The following RNF111 variants were observed in gnomAD, a reference collection of about 807,000 sequenced individuals.
The protein encoded by RNF111 is ring finger protein 111, also known as E3 ubiquitin-protein ligase Arkadia.
In RNF111, 17 loss-of-function variants were observed where a neutral mutation model predicts 95.1. The ratio of observed to expected loss-of-function variants is 0.18; its 90% CI spans 0.12 to 0.27. RNF111 has a LOEUF of 0.27. Among genes scored for constraint, RNF111 ranks in the 10% least tolerant of loss-of-function variants. RNF111 has a pLI of 1.00. For synonymous variants in RNF111, 440 were observed against 414.8 expected (o/e 1.06, Z -0.74); for missense variants, 1,189 against 1,210.4 (o/e 0.98, Z 0.26).
chr15:59,071,942 A>G (rs1663472973), intron 6 of RNF111, among the ~76,000 whole-genome samples: 1 of 152,234 alleles, frequency 6.6e-6, no homozygotes, highest in African/African-American at 2.4e-5. Context: ...TAATATTTAC[A>G]CTGTACTAAG....
intron 5 of RNF111, among the ~76,000 whole-genome samples, chr15:59,062,525 C>T (rs1251863328): frequency 6.6e-6 from 1 of 152,202 alleles, no homozygotes; most frequent in Non-Finnish European, 1.5e-5. Flanking sequence ...TGATGGCACA[C>T]TATATGTCAG....
In RNF111 at chr15:59,066,394, T is replaced by C. The variant is rs181281026; in HGVS notation, c.1367-370T>C. ...GGGAGGCTGAGGCGGGCAGATCACC[T>C]GAGGTTGGGAGTTCAAGACCAGCCT... On this transcript the variant is annotated intron_variant, in intron 5 of 13. Transcript: ENST00000348370. Among the ~76,000 whole-genome samples, 587 of 152,274 alleles carry C rather than the reference T, an allele frequency of 3.9e-3. 3 individuals are homozygous for C. Among genetic ancestry groups the C allele is most frequent in the African/African-American group, 0.013 (559 of 41,560 alleles).
At chr15:59,043,650 G>A (rs1439436913) in intron 2 of RNF111, among the ~76,000 whole-genome samples, 1 of 152,114 alleles carries the variant, frequency 6.6e-6, no homozygotes. Flanking sequence ...GAACATTTGG[G>A]TACAAATCTT....
In RNF111 at chr15:59,027,767, A is replaced by T. The variant is rs1014009858; in HGVS notation, c.-19-3037A>T. ...AGGCTGGTCTCAAACTCCTAACCTC[A>T]GGTGATCCACCCGCTTCAGCCTCCC... On this transcript the variant is annotated intron_variant, in intron 1 of 13. Coordinates refer to ENST00000348370, the MANE Select transcript of RNF111 (RefSeq NM_017610.8). Among the ~76,000 whole-genome samples the T allele has an allele frequency of 1.4e-4, 21 of 151,098 alleles. No individual in the cohort carries two copies. The East Asian group carries it at 3.3e-3, about 24-fold the overall frequency.
At chr15:59,016,518 A>G (rs1372676461) in intron 1 of RNF111, among the ~76,000 whole-genome samples, 1 of 152,168 alleles carries the variant, frequency 6.6e-6, no homozygotes, top group Admixed American at 6.5e-5. Context: ...CCACAGATCC[A>G]GCATATAAAG....
At chr15:59,026,757 A>G (rs2040630408) in intron 1 of RNF111, among the ~76,000 whole-genome samples, 1 of 152,150 alleles carries the variant, frequency 6.6e-6, no homozygotes, top group African/African-American at 2.4e-5. Flanking sequence ...CAATACAGCG[A>G]TGGATTTTAG....
At chr15:59,038,318 G>A (rs1022443189) in intron 2 of RNF111, among the ~76,000 whole-genome samples, 10 of 151,508 alleles carry the variant, frequency 6.6e-5, no homozygotes, top group African/African-American at 1.9e-4. Context: ...TCTAATAGCT[G>A]TATATATATA....
chr15:59,050,637 AG>A (rs2041936733), intron 2 of RNF111, among the ~76,000 whole-genome samples: 1 of 152,222 alleles, frequency 6.6e-6, no homozygotes, highest in Non-Finnish European at 1.5e-5. Context: ...AGCTGAAGGA[AG>A]GTAGTGTATA....
chr15:59,013,524 G>T (rs1372794242), intron 1 of RNF111, among the ~76,000 whole-genome samples: 11 of 152,190 alleles, frequency 7.2e-5, no homozygotes, highest in Non-Finnish European at 1.5e-4. Context: ...CAGAAGTAAA[G>T]TGCCCTGCCT....
chr15:58,990,597 C>A (rs560504350), intron 1 of RNF111, among the ~76,000 whole-genome samples: 1 of 152,156 alleles, frequency 6.6e-6, no homozygotes, highest in Admixed American at 6.5e-5. Flanking sequence ...TTGCAGTAAG[C>A]GGAGATCGTG....
At chr15:59,011,423 G>A (rs2039805704) in intron 1 of RNF111, among the ~76,000 whole-genome samples, 1 of 152,158 alleles carries the variant, frequency 6.6e-6, no homozygotes, top group South Asian at 2.1e-4. Context: ...GCACATTTAA[G>A]GTACTCAGAA....
intron 1 of RNF111, among the ~76,000 whole-genome samples, chr15:59,018,046 A>G (rs1440811411): frequency 6.6e-6 from 1 of 152,180 alleles, no homozygotes; most frequent in Admixed American, 6.6e-5. Flanking sequence ...GGTATGAGGC[A>G]CCACGCCCGG....
intron 1 of RNF111, among the ~76,000 whole-genome samples, chr15:59,021,224 C>T (rs1407963200): frequency 1.3e-5 from 2 of 152,160 alleles, no homozygotes; most frequent in African/African-American, 4.8e-5. Flanking sequence ...GATCTCGGCT[C>T]ACTGCAAACT....
At chr15:59,091,243 T>A in intron 12 of RNF111, 89 bp downstream of exon 12, 1 of 700,242 alleles carries the variant, frequency 1.4e-6, no homozygotes, top group Admixed American at 2.7e-5. Context: ...ACTCTAGCAA[T>A]GACATTTTTA....
At chr15:59,084,701 A>C (rs117565956) in intron 9 of RNF111, among the ~76,000 whole-genome samples, 8 of 152,258 alleles carry the variant, frequency 5.3e-5, no homozygotes, top group Non-Finnish European at 1.2e-4. Context: ...GTGCAGTAGA[A>C]TATCAGAACT....
chr15:59,071,007 C>T (rs1013670377), intron 6 of RNF111, among the ~76,000 whole-genome samples: 17 of 151,992 alleles, frequency 1.1e-4, no homozygotes, highest in African/African-American at 2.9e-4. Context: ...TTCAAGAATA[C>T]GAAGAAGTGG....
chr15:59,033,371 A>G (rs1178183719), intron 2 of RNF111, among the ~76,000 whole-genome samples: 3 of 152,194 alleles, frequency 2.0e-5, no homozygotes, highest in African/African-American at 7.2e-5. Context: ...AGGCTTGGCC[A>G]TGTTCAGATC....
At chr15:59,062,401 C>T (rs1207692933) in intron 5 of RNF111, among the ~76,000 whole-genome samples, 1 of 152,170 alleles carries the variant, frequency 6.6e-6, no homozygotes, top group Non-Finnish European at 1.5e-5. Flanking sequence ...GTTCTGCAGT[C>T]AGTTCAAACT....
Position 59,076,064 on chromosome 15 carries a change from T to G in RNF111, c.1797T>G (p.Ala599=), listed in dbSNP as rs1373402793. Residue 599 remains alanine, a synonymous_variant, in exon 7 of 14, where the codon GCT becomes GCG. Coordinates refer to ENST00000348370, the MANE Select transcript of RNF111 (RefSeq NM_017610.8). ...DPCCPVSSSR[A]AIFGHQAAAA... The stretch of plus-strand genomic sequence containing the variant: ...GCTGCCCTGTTTCTTCCTCCCGAGC[T>G]GCAATCTTTGGCCATCAGGCCGCTG... 6.2e-7 allele frequency: 1 copy of G among 1,614,128 alleles called. No homozygotes were observed.
Sources: gnomAD v4.1 joint callset for allele counts (sites outside exome capture counted in the v4.1 genomes callset) on GRCh38, gnomAD v4.1.1 for gene constraint, MANE v1.5 for transcripts, NCBI Gene and HGNC (gene_info 2026-07-23, HGNC 2026-07-21) for gene names.